The following GRIK3 variants were observed in gnomAD, a reference collection of about 807,000 sequenced individuals.
GRIK3 encodes the protein glutamate receptor ionotropic, kainate 3.
A neutral mutation model predicts 102.5 loss-of-function variants in GRIK3; 29 were observed. The observed-to-expected ratio is 0.28, with a 90% CI of 0.21 to 0.39. GRIK3 has a LOEUF of 0.39. GRIK3 is among the 10% of genes least tolerant of loss of function. The pLI, the probability that GRIK3 is intolerant of heterozygous loss-of-function variation, is 1.00. For synonymous variants in GRIK3, 511 were observed against 504.9 expected (o/e 1.01, Z -0.16); for missense variants, 908 against 1,252.4 (o/e 0.73, Z 4.15).
At chr1:37,006,546 G>A (rs1215033623) in intron 1 of GRIK3, among the ~76,000 whole-genome samples, 1 of 152,240 alleles carries the variant, frequency 6.6e-6, no homozygotes, top group Admixed American at 6.5e-5. Context: ...CTCAGCATGA[G>A]AGGAGGAGGC....
intron 1 of GRIK3, among the ~76,000 whole-genome samples, chr1:37,005,159 GC>G (rs1316735894): frequency 6.6e-6 from 1 of 152,224 alleles, no homozygotes; most frequent in Non-Finnish European, 1.5e-5. Flanking sequence ...GCCATTGTAT[GC>G]CCCATGCTTT....
intron 1 of GRIK3, among the ~76,000 whole-genome samples, chr1:36,927,934 G>T (rs1416299550): frequency 1.3e-5 from 2 of 152,282 alleles, no homozygotes; most frequent in African/African-American, 4.8e-5. Context: ...CTAGAATTCC[G>T]CCTCCGGAAT....
intron 1 of GRIK3, among the ~76,000 whole-genome samples, chr1:36,989,847 G>A (rs558724491): frequency 1.1e-4 from 17 of 152,240 alleles, no homozygotes; most frequent in Non-Finnish European, 1.8e-4. Context: ...AGTGATAACC[G>A]TACCCCACTT....
chr1:36,998,358 A>C (rs1177541644), intron 1 of GRIK3, among the ~76,000 whole-genome samples: 1 of 152,176 alleles, frequency 6.6e-6, no homozygotes, highest in African/African-American at 2.4e-5. Flanking sequence ...CATGTCTGTT[A>C]GGGCCTGACC....
At chr1:36,957,746 CTGTGTGTCCTGTGAGCA>C (rs1212888821) in intron 1 of GRIK3, among the ~76,000 whole-genome samples, 1 of 145,340 alleles carries the variant, frequency 6.9e-6, no homozygotes. Flanking sequence ...CCCCATAAGC[CTGTGTGTCCTGTGAGCA>C]TGTGTGTCCC....
intron 1 of GRIK3, among the ~76,000 whole-genome samples, chr1:36,990,301 C>T (rs967756988): frequency 3.9e-5 from 6 of 152,198 alleles, no homozygotes; most frequent in African/African-American, 7.2e-5. Context: ...CTGCTGTATC[C>T]GCTGAGCTAG....
intron 1 of GRIK3, among the ~76,000 whole-genome samples, chr1:37,015,048 G>T (rs1262760126): frequency 6.6e-6 from 1 of 151,878 alleles, no homozygotes; most frequent in African/African-American, 2.4e-5. Context: ...TCATTCAGGG[G>T]TTAAAATAGC....
At chr1:36,820,727 T>C (rs180810933) in intron 11 of GRIK3, among the ~76,000 whole-genome samples, 1 of 152,352 alleles carries the variant, frequency 6.6e-6, no homozygotes, top group African/African-American at 2.4e-5. Flanking sequence ...AAAGTGAATG[T>C]ACTCCAGCAT....
At chr1:37,033,038 G>A (rs968792575) in intron 1 of GRIK3, among the ~76,000 whole-genome samples, 3 of 152,190 alleles carry the variant, frequency 2.0e-5, no homozygotes, top group African/African-American at 7.2e-5. Context: ...CTGGTGGCGG[G>A]CGCAGGGCCT....
rs558369747 is a variant in GRIK3, at chr1:37,028,162, C to G, written c.115+5832G>C. Among the ~76,000 whole-genome samples the G allele has an allele frequency of 1.1e-4, 16 of 152,302 alleles. 1 individual carries two copies. In the South Asian group the frequency reaches 3.3e-3, roughly 32 times the overall value. On this transcript the variant is annotated intron_variant, in intron 1 of 15. Coordinates refer to ENST00000373091, the MANE Select transcript of GRIK3 (RefSeq NM_000831.4). ...TAACAAAGACAGCTAATTCTCCAAC[C>G]ACCTTCTCTTTCCAGGTCCCTGGGT...
rs145220167 is a variant in GRIK3, at chr1:36,997,610, C to T, written c.115+36384G>A. ...GTGCCCCCAGGCAGAGGGACTCAGTCCAAAGCTGTTGCCAGCTTCTGGGGA... is the reference window on the plus strand; with the variant it reads ...GTGCCCCCAGGCAGAGGGACTCAGTTCAAAGCTGTTGCCAGCTTCTGGGGA... On this transcript the variant is annotated intron_variant, in intron 1 of 15. Coordinates refer to ENST00000373091, the MANE Select transcript of GRIK3 (RefSeq NM_000831.4). Among the ~76,000 whole-genome samples the T allele has an allele frequency of 6.9e-3, 1,054 of 152,262 alleles. 4 individuals are homozygous for T. The highest frequency in any genetic ancestry group is 0.012 in the Non-Finnish European group (840 of 68,024).
intron 1 of GRIK3, among the ~76,000 whole-genome samples, chr1:36,898,857 T>C (rs1360894014): frequency 1.3e-5 from 2 of 152,114 alleles, no homozygotes; most frequent in African/African-American, 4.8e-5. Context: ...AAACTATATA[T>C]AGAGTCCAGA....
At chr1:36,871,011 C>T (rs187657996) in intron 4 of GRIK3, among the ~76,000 whole-genome samples, 7 of 152,074 alleles carry the variant, frequency 4.6e-5, no homozygotes, top group African/African-American at 1.4e-4. Context: ...CGTGTTTCCT[C>T]GACAGCAGCT....
intron 5 of GRIK3, among the ~76,000 whole-genome samples, chr1:36,865,280 G>A (rs1640770886): frequency 6.6e-6 from 1 of 152,238 alleles, no homozygotes; most frequent in Admixed American, 6.5e-5. Flanking sequence ...AAGCTGGTTG[G>A]AACAGATAAT....
chr1:36,990,640 A>T (rs552215769), intron 1 of GRIK3, among the ~76,000 whole-genome samples: 1 of 152,300 alleles, frequency 6.6e-6, no homozygotes, highest in African/African-American at 2.4e-5. Flanking sequence ...AATAAAACTT[A>T]TTCTATTTCT....
intron 3 of GRIK3, among the ~76,000 whole-genome samples, chr1:36,879,264 T>C (rs487162): frequency 0.041 from 6,170 of 151,886 alleles, 318 homozygotes; most frequent in East Asian, 0.12. Flanking sequence ...GAGGCTGAGG[T>C]GGGAGGATTG....
chr1:36,921,642 C>A (rs1181689800), intron 1 of GRIK3, among the ~76,000 whole-genome samples: 1 of 151,774 alleles, frequency 6.6e-6, no homozygotes, highest in Non-Finnish European at 1.5e-5. Context: ...TTTAACATCC[C>A]TGAAATTGAG....
chr1:36,829,975 C>T (rs1642797783), intron 10 of GRIK3, among the ~76,000 whole-genome samples: 2 of 152,328 alleles, frequency 1.3e-5, no homozygotes, highest in South Asian at 4.1e-4. Flanking sequence ...TCCCAAGGGT[C>T]TGAGATCTGG....
chr1:36,990,332 T>A (rs1022870373), intron 1 of GRIK3, among the ~76,000 whole-genome samples: 3 of 152,170 alleles, frequency 2.0e-5, no homozygotes, highest in African/African-American at 7.2e-5. Context: ...CATAGACATG[T>A]CTACCACTCC....
Sources: allele counts gnomAD v4.1 joint callset (sites outside exome capture counted in the v4.1 genomes callset), GRCh38; gene constraint gnomAD v4.1.1; transcripts MANE v1.5; gene names NCBI Gene and HGNC (gene_info 2026-07-23, HGNC 2026-07-21).